Variants in ARSL observed in about 807,000 individuals in gnomAD.
ARSL encodes arylsulfatase E (chondrodysplasia punctata 1).
Under a neutral mutation model 31.1 loss-of-function variants are expected in ARSL, and 4 were observed. The observed-to-expected ratio is 0.13, with a 90% CI of 0.06 to 0.29. The LOEUF (loss-of-function observed/expected upper bound fraction) is 0.29, where lower values mean the gene tolerates loss of function less well. Ranked by LOEUF, ARSL falls within the 10% of genes least tolerant of loss-of-function variation. ARSL has a pLI of 1.00. For synonymous variants in ARSL, 198 were observed against 209.9 expected, an observed-to-expected ratio of 0.94 and a Z score of 0.49; for missense variants, 312 against 497.8, an observed-to-expected ratio of 0.63 and a Z score of 3.55.
intron 5 of ARSL, among the ~76,000 whole-genome samples, chrX:2,952,636 T>C (rs976977315): frequency 9.0e-6 from 1 of 111,724 alleles, no homozygotes; most frequent in African/African-American, 3.3e-5. Context: ...ACTAGCCAAG[T>C]TGATCCATAA....
At chrX:2,957,708 CAAAAAA>C (rs761423845) in intron 3 of ARSL, among the ~76,000 whole-genome samples, 1 of 54,002 alleles carries the variant, frequency 1.9e-5, no homozygotes, top group African/African-American at 6.3e-5. Flanking sequence ...GATTCTGTCT[CAAAAAA>C]AAAAAAAAAA....
At chrX:2,947,692 G>A (rs915103892) in intron 6 of ARSL, among the ~76,000 whole-genome samples, 3 of 112,312 alleles carry the variant, frequency 2.7e-5, no homozygotes, top group African/African-American at 9.7e-5. Flanking sequence ...GAGCCCAGGA[G>A]TTCGAGACCA....
In ARSL at chrX:2,935,298, G is replaced by A. The variant is rs767739303; in HGVS notation, c.1412-108C>T. ...GGTAGGCCTAACCCAAGCGTCCATC[G>A]ATGGATGGACAGATAAACAAAACAT... On this transcript the variant is annotated intron_variant, in intron 10 of 10. Transcript: ENST00000381134. 1.2e-4 allele frequency: 89 copies of A among 712,875 alleles called. No individual in the cohort carries two copies. In the African/African-American group the frequency reaches 1.5e-3, roughly 12 times the overall value. 58.7% of individuals were successfully genotyped at this position (712,875 alleles called of 1,213,427 possible).
At chrX:2,957,722 A>AG (rs1313776371) in intron 3 of ARSL, among the ~76,000 whole-genome samples, 1 of 107,786 alleles carries the variant, frequency 9.3e-6, no homozygotes, top group African/African-American at 3.4e-5. Flanking sequence ...AAAAAAAAAA[A>AG]AAAGAAAAGA....
At chrX:2,946,224 A>G in intron 6 of ARSL, 90 bp from the exon 7 acceptor site, 3 of 894,806 alleles carry the variant, frequency 3.4e-6, no homozygotes, top group Non-Finnish European at 4.8e-6. Context: ...CTCACTTGTC[A>G]CATCATTACT....
chrX:2,949,465 G>C lies in ARSL; in HGVS notation c.693C>G (p.Ala231=), dbSNP rs983090548. 5.8e-6 allele frequency: 7 copies of C among 1,209,243 alleles called. No individual in the cohort carries two copies. In the African/African-American group the frequency reaches 1.1e-4, roughly 18 times the overall value. The change falls in exon 6 of 11, where the codon GCC becomes GCG. Residue 231 remains alanine, a synonymous_variant. Transcript: ENST00000381134. ...PVSWMPVIWS[A]LSAVLLLASS... ...TTGCGAGGAGGAGGACGGCCGAAAG[G>C]GCTGACCAGATGACCGGCATCCACG...
intron 8 of ARSL, among the ~76,000 whole-genome samples, chrX:2,940,510 A>G (rs775253594): frequency 2.7e-5 from 3 of 110,416 alleles, no homozygotes; most frequent in Non-Finnish European, 5.7e-5. Context: ...TTTACAAAAG[A>G]TAATTTTAAA....
rs200645419 is a variant in ARSL, at chrX:2,935,667, TTTTTC to T, written c.1412-482_1412-478del. Among the ~76,000 whole-genome samples the T allele has an allele frequency of 7.8e-3, 791 of 101,085 alleles. 10 individuals carry two copies. The highest frequency in any genetic ancestry group is 0.024 in the African/African-American group (685 of 28,085). 87.8% of individuals were successfully genotyped at this position (101,085 alleles called of 115,157 possible). A position where few individuals can be genotyped will look rare whatever the true frequency, so the allele number is the denominator to read the frequency against. ...TGCCTGTGAATTGCACTCAGTCAGTTTTTTCTTTTCTTTTCTTTTCTTTTCTTTTT... is the reference window on the plus strand; with the variant it reads ...TGCCTGTGAATTGCACTCAGTCAGTTTTTTCTTTTCTTTTCTTTTCTTTTT... On this transcript the variant is annotated intron_variant, in intron 10 of 10. Coordinates refer to ENST00000381134, the MANE Select transcript of ARSL (RefSeq NM_000047.3).
In ARSL at chrX:2,942,994, A is replaced by T. The variant is rs748052146; in HGVS notation, c.1126+71T>A. On this transcript the variant is annotated intron_variant, in intron 8 of 10. Transcript: ENST00000381134. Reference sequence around the variant, plus strand: ...AATAATATTGACCCTCCTGGAATAGATTGCCCTGCTGGGAATTGCAGGGAA... The same window carrying T: ...AATAATATTGACCCTCCTGGAATAGTTTGCCCTGCTGGGAATTGCAGGGAA... The T allele has an allele frequency of 5.8e-5, 68 of 1,169,486 alleles. No homozygotes were observed. In the African/African-American group the frequency reaches 9.8e-4, roughly 17 times the overall value.
upstream of ARSL, among the ~76,000 whole-genome samples, chrX:2,965,445 G>T (rs1474053505): frequency 9.1e-6 from 1 of 109,632 alleles, no homozygotes; most frequent in Non-Finnish European, 1.9e-5. Context: ...AGGTTACAGT[G>T]AGGCAAGATC....
intron 3 of ARSL, among the ~76,000 whole-genome samples, chrX:2,956,143 C>A (rs935444780): frequency 8.9e-6 from 1 of 112,163 alleles, no homozygotes; most frequent in African/African-American, 3.2e-5. Context: ...GCCCAGGGCA[C>A]CTTCTCTGGA....
At chrX:2,959,983 A>G (rs1346016960) in intron 2 of ARSL, 2 of 223,771 alleles carry the variant, frequency 8.9e-6, no homozygotes, top group Non-Finnish European at 1.6e-5. Context: ...GAAAGAAAGA[A>G]AAGAGGCCGG....
At chrX:2,944,179 GGC>G (rs2089324866) in intron 7 of ARSL, among the ~76,000 whole-genome samples, 1 of 108,932 alleles carries the variant, frequency 9.2e-6, no homozygotes, top group Non-Finnish European at 1.9e-5. Flanking sequence ...CTGTCGGCCA[GGC>G]GCAGTGGCTC....
At chrX:2,948,879 C>T (rs2089420694) in intron 6 of ARSL, among the ~76,000 whole-genome samples, 1 of 111,304 alleles carries the variant, frequency 9.0e-6, no homozygotes, top group Admixed American at 9.6e-5. Context: ...AAAAATTGTC[C>T]TTCTAGGTCA....
intron 8 of ARSL, among the ~76,000 whole-genome samples, chrX:2,941,401 C>T (rs139757020): frequency 0.045 from 4,961 of 109,642 alleles, 261 homozygotes; most frequent in African/African-American, 0.14. Context: ...ATTACAGGCA[C>T]GCACCACCAC....
At chrX:2,952,517 C>T (rs1033297207) in intron 5 of ARSL, among the ~76,000 whole-genome samples, 11 of 111,429 alleles carry the variant, frequency 9.9e-5, no homozygotes, top group East Asian at 5.7e-4. Flanking sequence ...TCCACCTTCA[C>T]GACCTCATCA....
intron 2 of ARSL, among the ~76,000 whole-genome samples, chrX:2,959,169 A>G (rs2147403548): frequency 9.0e-6 from 1 of 111,545 alleles, no homozygotes; most frequent in South Asian, 3.8e-4. Context: ...CACCCAGCAG[A>G]GCAAGGAAGA....
At chrX:2,949,760 C>A in intron 5 of ARSL, 33 bp from the exon 6 acceptor site, 1 of 1,182,972 alleles carries the variant, frequency 8.5e-7, no homozygotes, top group African/African-American at 1.7e-5. Context: ...ATGTGACAAG[C>A]ATCTGAGCAT....
chrX:2,959,743 C>T (rs1335510358), intron 2 of ARSL: 3 of 1,130,716 alleles, frequency 2.7e-6, no homozygotes, highest in Admixed American at 5.7e-5. Context: ...TCAGTGCATT[C>T]TGAGAAAGCA....
Sources: allele counts gnomAD v4.1 joint callset (sites outside exome capture counted in the v4.1 genomes callset), GRCh38; gene constraint gnomAD v4.1.1; transcripts MANE v1.5; gene names NCBI Gene and HGNC (gene_info 2026-07-23, HGNC 2026-07-21).